The following MEGF9 variants were observed in gnomAD, a reference collection of about 807,000 sequenced individuals.
MEGF9 encodes multiple epidermal growth factor-like domains protein 9.
Under a neutral mutation model 46.8 loss-of-function variants are expected in MEGF9, and 6 were observed. The ratio of observed to expected loss-of-function variants is 0.13; its 90% CI spans 0.07 to 0.25. The LOEUF is 0.25. Ranked by LOEUF, MEGF9 falls within the 10% of genes least tolerant of loss-of-function variation. MEGF9 has a pLI of 1.00. For missense variants in MEGF9, 683 were observed against 792.4 expected (o/e 0.86, Z 1.66); for synonymous variants, 302 against 330.7 (o/e 0.91, Z 0.94).
chr9:120,653,662 G>T (rs1463731690), intron 2 of MEGF9, among the ~76,000 whole-genome samples: 2 of 152,136 alleles, frequency 1.3e-5, no homozygotes. Context: ...GTGGGCCACC[G>T]CGCCCGGCCT....
At chr9:120,688,193 A>T (rs191120065) in intron 1 of MEGF9, among the ~76,000 whole-genome samples, 1 of 151,480 alleles carries the variant, frequency 6.6e-6, no homozygotes, top group East Asian at 1.9e-4. Context: ...AACTTCTCTT[A>T]GGGCTTCAGA....
intron 3 of MEGF9, among the ~76,000 whole-genome samples, chr9:120,615,315 G>GCA (rs200623333): frequency 0.031 from 4,551 of 147,482 alleles, 219 homozygotes; most frequent in African/African-American, 0.1. Context: ...ACACACACAT[G>GCA]CACACACACA....
chr9:120,693,674 A>G (rs1238130467), intron 1 of MEGF9, among the ~76,000 whole-genome samples: 2 of 152,266 alleles, frequency 1.3e-5, no homozygotes, highest in African/African-American at 4.8e-5. Context: ...AATAATTGAT[A>G]CATATAAAAG....
chr9:120,684,824 GCTT>G (rs2043814409), intron 1 of MEGF9, among the ~76,000 whole-genome samples: 1 of 151,884 alleles, frequency 6.6e-6, no homozygotes, highest in South Asian at 2.1e-4. Context: ...CAGATTGGAG[GCTT>G]CATTTTTTTT....
chr9:120,669,985 T>A (rs1169278725), intron 1 of MEGF9, among the ~76,000 whole-genome samples: 1 of 152,200 alleles, frequency 6.6e-6, no homozygotes. Context: ...TTGGAATAAT[T>A]CAACAAGTTT....
chr9:120,650,762 T>C (rs2043645939), intron 2 of MEGF9, among the ~76,000 whole-genome samples: 1 of 152,190 alleles, frequency 6.6e-6, no homozygotes, highest in Non-Finnish European at 1.5e-5. Context: ...GAATTTGGTG[T>C]TAGGATATCA....
At chr9:120,625,604 G>A (rs1007893348) in intron 2 of MEGF9, among the ~76,000 whole-genome samples, 1 of 151,964 alleles carries the variant, frequency 6.6e-6, no homozygotes, top group African/African-American at 2.4e-5. Flanking sequence ...CGGAGGCTGA[G>A]GCGAGTGGAT....
chr9:120,673,602 A>C (rs1220902288), intron 1 of MEGF9, among the ~76,000 whole-genome samples: 1 of 152,106 alleles, frequency 6.6e-6, no homozygotes. Flanking sequence ...TTTTTAAATA[A>C]ATGGTGTTGG....
chr9:120,680,064 ACTTC>A (rs2043791565), intron 1 of MEGF9, among the ~76,000 whole-genome samples: 1 of 152,058 alleles, frequency 6.6e-6, no homozygotes, highest in African/African-American at 2.4e-5. Context: ...TAGAATTCTG[ACTTC>A]CTTCTCTGTT....
chr9:120,674,895 T>C (rs2043766013), intron 1 of MEGF9, among the ~76,000 whole-genome samples: 2 of 151,164 alleles, frequency 1.3e-5, no homozygotes, highest in South Asian at 4.2e-4. Context: ...TTTTTTTTTT[T>C]CGAGACGGAG....
intron 4 of MEGF9, among the ~76,000 whole-genome samples, chr9:120,608,873 T>C (rs895940131): frequency 1.9e-4 from 29 of 152,234 alleles, no homozygotes; most frequent in Admixed American, 8.5e-4. Flanking sequence ...TTGTACCTGA[T>C]TAAAGTCTTT....
intron 1 of MEGF9, among the ~76,000 whole-genome samples, chr9:120,675,706 G>A (rs1267889544): frequency 1.3e-5 from 2 of 151,608 alleles, no homozygotes; most frequent in Non-Finnish European, 2.9e-5. Context: ...GGCCAACATA[G>A]TAAAACCCTG....
intron 1 of MEGF9, among the ~76,000 whole-genome samples, chr9:120,695,080 C>T (rs2043868794): frequency 1.3e-5 from 2 of 151,066 alleles, no homozygotes; most frequent in South Asian, 2.1e-4. Context: ...AAGACAAAAA[C>T]CCCTGCCTCT....
At chr9:120,627,385 T>C (rs965361440) in intron 2 of MEGF9, among the ~76,000 whole-genome samples, 1 of 152,274 alleles carries the variant, frequency 6.6e-6, no homozygotes, top group African/African-American at 2.4e-5. Flanking sequence ...TACGTGTGTA[T>C]GTATATTTTT....
intron 1 of MEGF9, chr9:120,689,938 C>T (rs775480808): frequency 1.9e-6 from 1 of 532,104 alleles, no homozygotes; most frequent in Non-Finnish European, 3.9e-6. Flanking sequence ...GTTTTAACAG[C>T]TTCTGAGACT....
chr9:120,708,743 T>C (rs1396999414), intron 1 of MEGF9, among the ~76,000 whole-genome samples: 3 of 152,132 alleles, frequency 2.0e-5, no homozygotes, highest in Non-Finnish European at 4.4e-5. Flanking sequence ...TAAATGCAAA[T>C]AAACTGGGTG....
intron 1 of MEGF9, among the ~76,000 whole-genome samples, chr9:120,682,790 C>T (rs2043804595): frequency 6.6e-6 from 1 of 152,134 alleles, no homozygotes; most frequent in Admixed American, 6.5e-5. Context: ...GCTATGTTAA[C>T]CAGGCTGGTC....
intron 1 of MEGF9, among the ~76,000 whole-genome samples, chr9:120,699,692 T>C (rs1177488889): frequency 1.4e-5 from 2 of 138,978 alleles, no homozygotes; most frequent in Admixed American, 7.7e-5. Context: ...TACTGCACTC[T>C]AACCCGGGTG....
intron 4 of MEGF9, 114 bp from the exon 5 acceptor site, chr9:120,608,124 T>C: frequency 8.2e-7 from 1 of 1,220,964 alleles, no homozygotes; most frequent in Non-Finnish European, 1.1e-6. Context: ...GAGGCCAAGG[T>C]GGAAGGATCG....
Sources: allele counts gnomAD v4.1 joint callset (sites outside exome capture counted in the v4.1 genomes callset), GRCh38; gene constraint gnomAD v4.1.1; transcripts MANE v1.5; gene names NCBI Gene and HGNC (gene_info 2026-07-23, HGNC 2026-07-21).